Variants in ENTHD1 observed in about 807,000 individuals in gnomAD.
The protein encoded by ENTHD1 is ENTH domain containing 1.
ENTHD1 carries 23 observed loss-of-function variants against 39.1 expected under a neutral mutation model. That is an observed-to-expected ratio of 0.59 (90% CI 0.42 to 0.83). The LOEUF (loss-of-function observed/expected upper bound fraction) is 0.83. Among genes scored for constraint, ENTHD1 ranks in the 40% least tolerant of loss-of-function variants. ENTHD1 has a pLI of 0.00. For missense variants in ENTHD1, 624 were observed against 705.4 expected, an observed-to-expected ratio of 0.88 and a Z score of 1.31; for synonymous variants, 230 against 258.2, an observed-to-expected ratio of 0.89 and a Z score of 1.05.
chr22:39,807,589 ACTC>A (rs896926820), intron 5 of ENTHD1, among the ~76,000 whole-genome samples: 1 of 151,258 alleles, frequency 6.6e-6, no homozygotes, highest in African/African-American at 2.4e-5. Context: ...TCTCTTGCCC[ACTC>A]CTCCTGTTCC....
intron 3 of ENTHD1, among the ~76,000 whole-genome samples, chr22:39,852,410 A>G (rs926470618): frequency 1.3e-5 from 2 of 152,222 alleles, no homozygotes; most frequent in African/African-American, 2.4e-5. Context: ...GAGTAATTAT[A>G]TAACAAGCCT....
intron 3 of ENTHD1, among the ~76,000 whole-genome samples, chr22:39,844,977 G>A (rs1230058039): frequency 6.6e-6 from 1 of 151,854 alleles, no homozygotes; most frequent in African/African-American, 2.4e-5. Context: ...AGAATGAGCA[G>A]GACCTCGTAT....
intron 6 of ENTHD1, among the ~76,000 whole-genome samples, chr22:39,753,868 T>C (rs1331336378): frequency 6.6e-6 from 1 of 152,198 alleles, no homozygotes; most frequent in Non-Finnish European, 1.5e-5. Context: ...TCCCATTCTT[T>C]TTAACATATT....
chr22:39,862,558 A>G (rs1163872828), intron 2 of ENTHD1, among the ~76,000 whole-genome samples: 7 of 151,614 alleles, frequency 4.6e-5, no homozygotes. Context: ...AAAAAAAAAA[A>G]AAAAAGAAAG....
rs747502958 is a variant in ENTHD1 at position 39,862,011 on chromosome 22, A to AAAAAT, written c.350-9_350-5dup. The AAAAAT allele has an allele frequency of 6.8e-7, 1 of 1,475,780 alleles. No individual in the cohort carries two copies. The highest frequency in any genetic ancestry group is 9.1e-7 in the Non-Finnish European group (1 of 1,093,990). 91.4% of individuals were successfully genotyped at this position (1,475,780 alleles called of 1,614,324 possible). A position where few individuals can be genotyped will look rare whatever the true frequency, so the allele number is the denominator to read the frequency against. On this transcript the variant is annotated splice_region_variant and splice_polypyrimidine_tract_variant and intron_variant, in intron 2 of 6. Coordinates refer to ENST00000325157, the MANE Select transcript of ENTHD1 (RefSeq NM_152512.4). ...GATTTTTCCCGGATATAATAACCTGAAAAATACATTGACTCTGCTTAGAAA... is the reference window on the plus strand; with the variant it reads ...GATTTTTCCCGGATATAATAACCTGAAAAATAAAATACATTGACTCTGCTTAGAAA...
At chr22:39,859,542 A>C (rs1480360845) in intron 3 of ENTHD1, among the ~76,000 whole-genome samples, 1 of 152,166 alleles carries the variant, frequency 6.6e-6, no homozygotes, top group African/African-American at 2.4e-5. Context: ...GCTTAATTTC[A>C]ATATTGTTGA....
intron 5 of ENTHD1, among the ~76,000 whole-genome samples, chr22:39,766,423 C>T (rs994919564): frequency 1.3e-5 from 2 of 152,058 alleles, no homozygotes; most frequent in African/African-American, 2.4e-5. Context: ...AGACCTGGTC[C>T]GAGTTTCTAG....
At chr22:39,803,659 T>C (rs2065616929) in intron 5 of ENTHD1, among the ~76,000 whole-genome samples, 1 of 152,194 alleles carries the variant, frequency 6.6e-6, no homozygotes, top group African/African-American at 2.4e-5. Context: ...CTGATAACCA[T>C]GCTTCACTTG....
chr22:39,868,774 C>T (rs2066211461), intron 2 of ENTHD1, among the ~76,000 whole-genome samples: 1 of 152,060 alleles, frequency 6.6e-6, no homozygotes, highest in African/African-American at 2.4e-5. Flanking sequence ...AACAATTAAA[C>T]AAGCAAAAAA....
intron 3 of ENTHD1, among the ~76,000 whole-genome samples, chr22:39,843,838 A>G (rs2065965567): frequency 6.6e-6 from 1 of 152,108 alleles, no homozygotes; most frequent in Admixed American, 6.6e-5. Context: ...GCTGTTGGGA[A>G]TTCCCAGAGG....
chr22:39,865,005 C>T (rs1023933799), intron 2 of ENTHD1, among the ~76,000 whole-genome samples: 5 of 152,132 alleles, frequency 3.3e-5, no homozygotes. Context: ...ATGAAAAATA[C>T]TAAGTCAATT....
At chr22:39,797,773 C>A (rs533020393) in intron 5 of ENTHD1, among the ~76,000 whole-genome samples, 1 of 152,234 alleles carries the variant, frequency 6.6e-6, no homozygotes, top group South Asian at 2.1e-4. Flanking sequence ...TCAATCTCTG[C>A]TTGTCTGTAA....
At chr22:39,808,329 G>A (rs1175116039) in intron 5 of ENTHD1, among the ~76,000 whole-genome samples, 1 of 152,052 alleles carries the variant, frequency 6.6e-6, no homozygotes, top group Non-Finnish European at 1.5e-5. Flanking sequence ...TGTTTGATTA[G>A]GTCTGTTAAG....
At chr22:39,886,547 C>T (rs2066380623) in intron 2 of ENTHD1, among the ~76,000 whole-genome samples, 1 of 152,134 alleles carries the variant, frequency 6.6e-6, no homozygotes, top group Non-Finnish European at 1.5e-5. Flanking sequence ...TTCCTGTAAA[C>T]CTAAAACTGC....
chr22:39,789,057 G>A (rs1273212842), intron 5 of ENTHD1, among the ~76,000 whole-genome samples: 1 of 152,036 alleles, frequency 6.6e-6, no homozygotes, highest in Non-Finnish European at 1.5e-5. Context: ...GGTCTGGAAT[G>A]GAACCCATAA....
intron 5 of ENTHD1, among the ~76,000 whole-genome samples, chr22:39,792,258 T>A (rs1050892849): frequency 6.6e-6 from 1 of 152,066 alleles, no homozygotes; most frequent in Non-Finnish European, 1.5e-5. Context: ...TATCCAGTAG[T>A]GGGATTGCTG....
chr22:39,771,664 G>A (rs2065326126), intron 5 of ENTHD1, among the ~76,000 whole-genome samples: 1 of 151,926 alleles, frequency 6.6e-6, no homozygotes, highest in African/African-American at 2.4e-5. Flanking sequence ...AAACAACAGA[G>A]GCTAGAGGAT....
intron 5 of ENTHD1, among the ~76,000 whole-genome samples, chr22:39,783,629 T>G (rs948317608): frequency 2.0e-5 from 3 of 149,444 alleles, no homozygotes; most frequent in Non-Finnish European, 4.5e-5. Context: ...CTGTAAAAGG[T>G]GCCAAGACAC....
At chr22:39,812,025 A>AAAAC (rs1555930040) in intron 5 of ENTHD1, among the ~76,000 whole-genome samples, 3 of 148,928 alleles carry the variant, frequency 2.0e-5, no homozygotes, top group Admixed American at 6.6e-5. Context: ...CAAAAAAAAA[A>AAAAC]CGACATAGAT....
Sources: gnomAD v4.1 joint callset for allele counts (sites outside exome capture counted in the v4.1 genomes callset) on GRCh38, gnomAD v4.1.1 for gene constraint, MANE v1.5 for transcripts, NCBI Gene and HGNC (gene_info 2026-07-23, HGNC 2026-07-21) for gene names.